MNAT1: variants seen among roughly 807,000 people sequenced by gnomAD.
The protein encoded by MNAT1 is MNAT1 component of CDK activating kinase.
In MNAT1, 43 loss-of-function variants were observed where a neutral mutation model predicts 42.0. The ratio of observed to expected loss-of-function variants is 1.02; its 90% CI spans 0.80 to 1.32. MNAT1 has a LOEUF of 1.32. MNAT1 is among the 40% of genes most tolerant of loss of function. The pLI is 0.00. For missense variants in MNAT1, 306 were observed against 350.4 expected, an observed-to-expected ratio of 0.87 and a Z score of 1.01; for synonymous variants, 118 against 120.0, an observed-to-expected ratio of 0.98 and a Z score of 0.11.
chr14:60,938,963 G>A (rs2036072762), intron 7 of MNAT1, among the ~76,000 whole-genome samples: 1 of 152,156 alleles, frequency 6.6e-6, no homozygotes, highest in African/African-American at 2.4e-5. Flanking sequence ...AGTGTTGGGA[G>A]GGTGTATGTG....
intron 7 of MNAT1, among the ~76,000 whole-genome samples, chr14:60,930,205 C>CTTTATT (rs1566563584): frequency 2.6e-5 from 2 of 76,892 alleles, no homozygotes; most frequent in Non-Finnish European, 5.4e-5. Flanking sequence ...CTTCTTCCGT[C>CTTTATT]TTTATTATTA....
chr14:60,798,145 G>A lies in MNAT1; in HGVS notation c.301G>A (p.Glu101Lys), dbSNP rs766743101. 5 of 1,510,418 alleles carry A rather than the reference G, an allele frequency of 3.3e-6. No individual in the cohort carries two copies. The South Asian group carries it at 5.7e-5, about 17-fold the overall frequency. The allele number at this position is 1,510,418 out of a possible 1,614,324, so 93.6% of individuals were successfully genotyped here. Residue 101 changes from glutamate (E) to lysine (K), a missense_variant, in exon 3 of 8, where the codon GAA (glutamate) becomes AAA (lysine). Transcript: ENST00000261245. ...AAGAGAATACAATGATTTCTTGGAAGAAGTGGAAGAAATTGGTACGTTTTT... is the reference window on the plus strand; with the variant it reads ...AAGAGAATACAATGATTTCTTGGAAAAAGTGGAAGAAATTGGTACGTTTTT... ...SLREYNDFLE[E>K]VEEIVFNLTN... is the part of the protein sequence containing the mutation.
chr14:60,863,890 A>G (rs576810129), intron 6 of MNAT1, among the ~76,000 whole-genome samples: 4 of 152,082 alleles, frequency 2.6e-5, no homozygotes, highest in African/African-American at 7.2e-5. Flanking sequence ...TAGAAAGGCA[A>G]TTTACTTCTG....
intron 1 of MNAT1, among the ~76,000 whole-genome samples, chr14:60,789,737 G>C (rs2031760182): frequency 6.6e-6 from 1 of 152,040 alleles, no homozygotes; most frequent in East Asian, 1.9e-4. Flanking sequence ...TTAGCTATCA[G>C]GATGAAACTG....
intron 7 of MNAT1, among the ~76,000 whole-genome samples, chr14:60,962,043 C>G (rs1421942141): frequency 6.6e-6 from 1 of 152,098 alleles, no homozygotes; most frequent in Non-Finnish European, 1.5e-5. Context: ...AAAATCTAGG[C>G]TCATATTACT....
At chr14:60,768,284 A>G (rs548992137) in intron 1 of MNAT1, among the ~76,000 whole-genome samples, 1 of 152,268 alleles carries the variant, frequency 6.6e-6, no homozygotes, top group South Asian at 2.1e-4. Flanking sequence ...ATTTATTAAG[A>G]GCTCCGGAAT....
At chr14:60,958,447 C>CT (rs1458206535) in intron 7 of MNAT1, among the ~76,000 whole-genome samples, 3 of 151,892 alleles carry the variant, frequency 2.0e-5, no homozygotes, top group African/African-American at 7.3e-5. Flanking sequence ...TAAAAATTCT[C>CT]TGTCTTTGAT....
At chr14:60,921,321 A>G (rs2035655145) in intron 7 of MNAT1, among the ~76,000 whole-genome samples, 1 of 152,222 alleles carries the variant, frequency 6.6e-6, no homozygotes, top group Admixed American at 6.5e-5. Flanking sequence ...AAATAAATTC[A>G]TTGGGTATTC....
At chr14:60,927,187 T>C (rs2035785330) in intron 7 of MNAT1, among the ~76,000 whole-genome samples, 1 of 152,166 alleles carries the variant, frequency 6.6e-6, no homozygotes, top group Non-Finnish European at 1.5e-5. Flanking sequence ...TCAGAGGTCA[T>C]CCTTTGGGAC....
chr14:60,890,134 A>G (rs1004184419), intron 7 of MNAT1, among the ~76,000 whole-genome samples: 4 of 152,224 alleles, frequency 2.6e-5, no homozygotes, highest in African/African-American at 9.6e-5. Context: ...TCATGCTGCT[A>G]TAAAGACACA....
chr14:60,858,276 A>G lies in MNAT1; in HGVS notation c.688-21438A>G, dbSNP rs559304456. ...TTTAATGATTGCCATTCTCACTGGCATGAGATGGTATCTCATTGTGGTTTT... is the reference window on the plus strand; with the variant it reads ...TTTAATGATTGCCATTCTCACTGGCGTGAGATGGTATCTCATTGTGGTTTT... On this transcript the variant is annotated intron_variant, in intron 6 of 7. Transcript: ENST00000261245. 5.1e-3 allele frequency among the ~76,000 whole-genome samples: 781 copies of G among 152,256 alleles called. 15 individuals carry two copies. The highest frequency in any genetic ancestry group is 0.018 in the African/African-American group (732 of 41,554).
chr14:60,829,796 T>A (rs2033163432), intron 6 of MNAT1, among the ~76,000 whole-genome samples: 1 of 152,212 alleles, frequency 6.6e-6, no homozygotes, highest in African/African-American at 2.4e-5. Context: ...GCTTAATTTA[T>A]GAAACAAACA....
chr14:60,811,101 C>T (rs1438314062), intron 4 of MNAT1, among the ~76,000 whole-genome samples: 4 of 151,732 alleles, frequency 2.6e-5, no homozygotes, highest in African/African-American at 4.8e-5. Flanking sequence ...TCTCTTTTGA[C>T]AGTTTTTTAA....
At chr14:60,959,920 G>GTTTTTTTTTT (rs11359127) in intron 7 of MNAT1, among the ~76,000 whole-genome samples, 4 of 93,166 alleles carry the variant, frequency 4.3e-5, no homozygotes, top group African/African-American at 1.5e-4. Flanking sequence ...TGGTTTTTAT[G>GTTTTTTTTTT]TTTTTTTTTT....
intron 1 of MNAT1, 146 bp downstream of exon 1, chr14:60,735,097 C>G: frequency 1.3e-6 from 1 of 787,182 alleles, no homozygotes; most frequent in Non-Finnish European, 2.1e-6. Context: ...GGCGTTGTGA[C>G]TTTAAATAGA....
chr14:60,947,880 C>T (rs1345429487), intron 7 of MNAT1, among the ~76,000 whole-genome samples: 2 of 152,116 alleles, frequency 1.3e-5, no homozygotes, highest in African/African-American at 4.8e-5. Flanking sequence ...CTTCCTACCT[C>T]AGCAAATCTT....
chr14:60,782,252 T>A (rs1566763394), intron 1 of MNAT1, among the ~76,000 whole-genome samples: 1 of 152,156 alleles, frequency 6.6e-6, no homozygotes, highest in East Asian at 1.9e-4. Flanking sequence ...GGGGACCATT[T>A]GAGGCCATTT....
chr14:60,923,314 A>G (rs572556063), intron 7 of MNAT1, among the ~76,000 whole-genome samples: 2 of 152,282 alleles, frequency 1.3e-5, no homozygotes, highest in South Asian at 2.1e-4. Context: ...TTCCTAAGTA[A>G]TGCTGATGCT....
chr14:60,908,075 A>G (rs2035252119), intron 7 of MNAT1, among the ~76,000 whole-genome samples: 1 of 152,156 alleles, frequency 6.6e-6, no homozygotes, highest in Admixed American at 6.5e-5. Context: ...ACCAATTTTA[A>G]TGCACTCATT....
Sources: allele counts gnomAD v4.1 joint callset (sites outside exome capture counted in the v4.1 genomes callset), GRCh38; gene constraint gnomAD v4.1.1; transcripts MANE v1.5; gene names NCBI Gene and HGNC (gene_info 2026-07-23, HGNC 2026-07-21).